The following SESTD1 variants were observed in gnomAD, a reference collection of about 807,000 sequenced individuals.
SESTD1 encodes SEC14 and spectrin domain containing 1.
In SESTD1, 43 loss-of-function variants were observed where a neutral mutation model predicts 101.7. That is an observed-to-expected ratio of 0.42 (90% CI 0.33 to 0.55). SESTD1 has a LOEUF of 0.55. Ranked by LOEUF, SESTD1 falls within the 20% of genes least tolerant of loss-of-function variation. The probability of loss-of-function intolerance (pLI) is 0.07; values close to 1 mark genes in which losing one functional copy is unlikely to be tolerated. For synonymous variants in SESTD1, 283 were observed against 286.8 expected (o/e 0.99, Z 0.13); for missense variants, 647 against 815.1 (o/e 0.79, Z 2.51).
chr2:179,218,111 C>G (rs2046752417), intron 1 of SESTD1, among the ~76,000 whole-genome samples: 1 of 152,080 alleles, frequency 6.6e-6, no homozygotes, highest in South Asian at 2.1e-4. Context: ...CACATGTACC[C>G]TAGAACTTAA....
chr2:179,144,744 C>A (rs1251076674), intron 8 of SESTD1, among the ~76,000 whole-genome samples: 2 of 151,840 alleles, frequency 1.3e-5, no homozygotes, highest in African/African-American at 2.4e-5. Flanking sequence ...CATGATTGTT[C>A]TAAACCTTTT....
intron 1 of SESTD1, among the ~76,000 whole-genome samples, chr2:179,231,282 G>T (rs558103805): frequency 1.4e-4 from 21 of 152,070 alleles, no homozygotes; most frequent in African/African-American, 5.1e-4. Flanking sequence ...TTGCAGTTAA[G>T]GATTGAGGAT....
intron 5 of SESTD1, among the ~76,000 whole-genome samples, chr2:179,155,587 G>A (rs767662556): frequency 6.6e-6 from 1 of 151,728 alleles, no homozygotes; most frequent in Non-Finnish European, 1.5e-5. Context: ...CTGCACTCAA[G>A]TCCAGGCAAC....
chr2:179,253,223 A>AAAAC (rs945855554), intron 1 of SESTD1, among the ~76,000 whole-genome samples: 1 of 152,204 alleles, frequency 6.6e-6, no homozygotes, highest in Admixed American at 6.5e-5. Flanking sequence ...ACTATCATTT[A>AAAAC]AAACAAACAA....
chr2:179,119,867 G>T (rs182911571), intron 13 of SESTD1, among the ~76,000 whole-genome samples: 1 of 152,220 alleles, frequency 6.6e-6, no homozygotes, highest in East Asian at 1.9e-4. Context: ...AGTTTCCTGA[G>T]GTTTCCCCAG....
intron 1 of SESTD1, among the ~76,000 whole-genome samples, chr2:179,198,739 G>C (rs1161111880): frequency 6.6e-6 from 1 of 151,984 alleles, no homozygotes. Context: ...CAGAAATAAA[G>C]ATGTTCTTTG....
At chr2:179,168,723 G>T (rs990903706) in intron 5 of SESTD1, among the ~76,000 whole-genome samples, 5 of 152,154 alleles carry the variant, frequency 3.3e-5, no homozygotes, top group Admixed American at 6.5e-5. Flanking sequence ...GCCAGAAATG[G>T]CATAAATGAA....
intron 1 of SESTD1, among the ~76,000 whole-genome samples, chr2:179,242,415 A>C (rs568880354): frequency 1.3e-5 from 2 of 152,230 alleles, no homozygotes; most frequent in South Asian, 4.2e-4. Flanking sequence ...ATTTAATGCA[A>C]TTCCTATCAA....
At chr2:179,240,938 G>C (rs942765450) in intron 1 of SESTD1, among the ~76,000 whole-genome samples, 1 of 152,086 alleles carries the variant, frequency 6.6e-6, no homozygotes, top group Non-Finnish European at 1.5e-5. Context: ...TGATGAAAAT[G>C]CTTCCACAAG....
chr2:179,260,086 T>C (rs1008265651), intron 1 of SESTD1, among the ~76,000 whole-genome samples: 1 of 152,254 alleles, frequency 6.6e-6, no homozygotes, highest in Non-Finnish European at 1.5e-5. Context: ...ATAATAACTG[T>C]AGTAACAAAT....
chr2:179,234,960 A>G (rs866403174), intron 1 of SESTD1, among the ~76,000 whole-genome samples: 2 of 151,892 alleles, frequency 1.3e-5, no homozygotes, highest in African/African-American at 2.4e-5. Context: ...AAAAAAAAAA[A>G]AAGTCATATT....
intron 6 of SESTD1, among the ~76,000 whole-genome samples, chr2:179,150,284 C>A (rs891834135): frequency 5.3e-5 from 8 of 151,904 alleles, no homozygotes; most frequent in African/African-American, 9.7e-5. Flanking sequence ...GTTCACCATT[C>A]TCCAATAAAA....
intron 1 of SESTD1, among the ~76,000 whole-genome samples, chr2:179,244,578 T>C (rs1255425651): frequency 6.6e-6 from 1 of 151,328 alleles, no homozygotes; most frequent in Non-Finnish European, 1.5e-5. Flanking sequence ...AAATATATTA[T>C]AGGCTAGAGG....
chr2:179,185,840 T>C (rs2046219621), intron 2 of SESTD1, among the ~76,000 whole-genome samples: 1 of 132,078 alleles, frequency 7.6e-6, no homozygotes, highest in Admixed American at 8.3e-5. Context: ...TAATATATAA[T>C]ATAGCATGTA....
intron 9 of SESTD1, among the ~76,000 whole-genome samples, chr2:179,133,777 G>C (rs1156962375): frequency 5.3e-5 from 8 of 151,982 alleles, no homozygotes; most frequent in Non-Finnish European, 1.2e-4. Context: ...ACAGTTTATG[G>C]ATCTTTTTAT....
At chr2:179,229,780 A>AAGACAC in intron 1 of SESTD1, among the ~76,000 whole-genome samples, 1 of 77,350 alleles carries the variant, frequency 1.3e-5, no homozygotes, top group East Asian at 2.7e-4. Context: ...TATATACTCA[A>AAGACAC]ATACACACAC....
intron 2 of SESTD1, among the ~76,000 whole-genome samples, chr2:179,190,909 G>A (rs1441202774): frequency 6.6e-6 from 1 of 152,138 alleles, no homozygotes; most frequent in Non-Finnish European, 1.5e-5. Context: ...AAGGAAATGC[G>A]TATACACTGT....
rs1446466764 is a variant in SESTD1, at chr2:179,214,394, G to A, written c.-25-22528C>T. 8.9e-5 allele frequency among the ~76,000 whole-genome samples: 12 copies of A among 134,132 alleles called. 3 individuals carry two copies. Among genetic ancestry groups the A allele is most frequent in the Admixed American group, 4.3e-4 (6 of 13,868 alleles). The allele number at this position is 134,132 out of a possible 152,430, so 88.0% of individuals were successfully genotyped here. On this transcript the variant is annotated intron_variant, in intron 1 of 17. Transcript: ENST00000428443. The stretch of plus-strand genomic sequence containing the variant: ...CAAAACAGACAAAGAAGGCCACTAC[G>A]TAATGGTAAAGGAATGGTAAAGCTC...
chr2:179,217,309 A>G (rs2046737394), intron 1 of SESTD1, among the ~76,000 whole-genome samples: 1 of 152,244 alleles, frequency 6.6e-6, no homozygotes, highest in African/African-American at 2.4e-5. Context: ...CCCATCAAAA[A>G]GTGGGCAAAG....
Sources: allele counts gnomAD v4.1 joint callset (sites outside exome capture counted in the v4.1 genomes callset), GRCh38; gene constraint gnomAD v4.1.1; transcripts MANE v1.5; gene names NCBI Gene and HGNC (gene_info 2026-07-23, HGNC 2026-07-21).